The following PHYH variants were observed in gnomAD, a reference collection of about 807,000 sequenced individuals.
PHYH encodes phytanoyl-CoA 2-hydroxylase, also known as phytanoyl-CoA dioxygenase, peroxisomal.
In PHYH, 32 loss-of-function variants were observed where a neutral mutation model predicts 38.5. The observed-to-expected ratio is 0.83, with a 90% CI of 0.63 to 1.12. The LOEUF (loss-of-function observed/expected upper bound fraction) is 1.12. Among genes scored for constraint, PHYH ranks in the 50% most tolerant of loss-of-function variants. PHYH has a pLI of 0.00. For synonymous variants in PHYH, 166 were observed against 157.9 expected (o/e 1.05, Z -0.38); for missense variants, 426 against 434.8 (o/e 0.98, Z 0.18).
At chr10:13,294,348 G>C (rs573099963) in intron 4 of PHYH, 80 bp downstream of exon 4, 1 of 1,356,214 alleles carries the variant, frequency 7.4e-7, no homozygotes. Context: ...GAGCCACTGC[G>C]CCCGGCCAAA....
chr10:13,294,438 G>A lies in PHYH; in HGVS notation c.404C>T (p.Thr135Ile), dbSNP rs770170910. ...QEDKELFRYCTLPEILKYVEC... is the reference protein window; with the variant it reads ...QEDKELFRYCILPEILKYVEC... ...AGGGTGGTCTCTGACCTCGGGGAGA[G>A]TGCAGTATCTGAAGAGCTCCTTATC... is the stretch of plus-strand genomic sequence containing the variant. The change falls in exon 4 of 9, where the codon ACT (threonine) becomes ATT (isoleucine). Residue 135 changes from threonine to isoleucine, a missense_variant. Thr to Ile is a moderately conservative substitution (Grantham distance 89). Transcript: ENST00000263038. 6.2e-7 allele frequency: 1 copy of A among 1,613,962 alleles called. No individual in the cohort carries two copies. The highest frequency in any genetic ancestry group is 1.3e-5 in the African/African-American group (1 of 74,918).
Position 13,288,523 on chromosome 10 carries a change from T to G in PHYH, c.515A>C (p.His172Pro). The G allele has an allele frequency of 6.2e-7, 1 of 1,614,024 alleles. No homozygotes were observed. The highest frequency in any genetic ancestry group is 8.5e-7 in the Non-Finnish European group (1 of 1,180,016). ...ATAGTGCAGGTCCTGGTGCAGGGGG[T>G]GACGGGACGTCTTCTTGCCTGAAAA... ...PPDSGKKTSR[H>P]PLHQDLHYFP... Residue 172 changes from histidine (H) to proline (P), a missense_variant, in exon 6 of 9, where the codon CAC becomes CCC. Physicochemically the swap from His to Pro is moderately conservative, Grantham distance 77. Coordinates refer to ENST00000263038, the MANE Select transcript of PHYH (RefSeq NM_006214.4).
chr10:13,289,938 CAAA>C (rs151163708), intron 5 of PHYH, among the ~76,000 whole-genome samples: 3 of 85,976 alleles, frequency 3.5e-5, no homozygotes, highest in Non-Finnish European at 6.8e-5. Flanking sequence ...GACTCTGTCT[CAAA>C]AAAAAAAAAA....
At chr10:13,287,794 C>G (rs530271450) in intron 6 of PHYH, among the ~76,000 whole-genome samples, 1 of 152,152 alleles carries the variant, frequency 6.6e-6, no homozygotes, top group African/African-American at 2.4e-5. Flanking sequence ...CATCTGGGGT[C>G]GAAGGGTTTA....
chr10:13,284,820 T>C (rs1046315929), intron 6 of PHYH, among the ~76,000 whole-genome samples: 1 of 152,172 alleles, frequency 6.6e-6, no homozygotes, highest in Non-Finnish European at 1.5e-5. Flanking sequence ...AGCCCATTCC[T>C]CTTCCTAAGA....
chr10:13,294,191 G>C (rs1409292691), intron 4 of PHYH, among the ~76,000 whole-genome samples: 1 of 152,142 alleles, frequency 6.6e-6, no homozygotes, highest in African/African-American at 2.4e-5. Context: ...AACAGAGCGA[G>C]ACTCTGTCTC....
chr10:13,299,374 G>T, intron 1 of PHYH: 1 of 951,228 alleles, frequency 1.1e-6, no homozygotes, highest in Non-Finnish European at 1.3e-6. Context: ...GCCCCCAGAA[G>T]AGCCGAGACA....
chr10:13,281,748 T>G (rs1258936819), intron 7 of PHYH, among the ~76,000 whole-genome samples: 1 of 152,190 alleles, frequency 6.6e-6, no homozygotes, highest in African/African-American at 2.4e-5. Flanking sequence ...AAACTTACCT[T>G]TTTTGTCACA....
intron 1 of PHYH, among the ~76,000 whole-genome samples, chr10:13,298,616 G>A (rs1832640258): frequency 6.6e-6 from 1 of 151,934 alleles, no homozygotes; most frequent in Non-Finnish European, 1.5e-5. Context: ...CAGGAGAATT[G>A]CTTGAACCTG....
chr10:13,285,606 CTTTTTTT>C (rs36040564), intron 6 of PHYH, among the ~76,000 whole-genome samples: 1 of 127,540 alleles, frequency 7.8e-6, no homozygotes, highest in Non-Finnish European at 1.7e-5. Context: ...CTTTTCTTTT[CTTTTTTT>C]TTTTTTTTTG....
At chr10:13,293,221 C>T (rs1461284427) in intron 4 of PHYH, among the ~76,000 whole-genome samples, 1 of 152,134 alleles carries the variant, frequency 6.6e-6, no homozygotes, top group African/African-American at 2.4e-5. Context: ...GCCATCCTCA[C>T]AACTTCTGAC....
At chr10:13,280,474 C>G (rs752031694) in intron 8 of PHYH, among the ~76,000 whole-genome samples, 1 of 152,172 alleles carries the variant, frequency 6.6e-6, no homozygotes, top group Non-Finnish European at 1.5e-5. Context: ...GTAGCTGGGA[C>G]TACAGCTATG....
In PHYH at chr10:13,295,602, T is replaced by G. The variant is rs1234884054; in HGVS notation, c.139A>C (p.Thr47Pro). 8.7e-7 allele frequency: 1 copy of G among 1,152,216 alleles called. No individual in the cohort carries two copies. The highest frequency in any genetic ancestry group is 1.7e-5 in the Admixed American group (1 of 59,430). 71.4% of individuals were successfully genotyped at this position (1,152,216 alleles called of 1,614,324 possible). A position where few individuals can be genotyped will look rare whatever the true frequency, so the allele number is the denominator to read the frequency against. Residue 47 changes from threonine (T) to proline (P), a missense_variant, in exon 3 of 9, where the codon ACT (threonine) becomes CCT (proline). Physicochemically the swap from Thr to Pro is conservative, Grantham distance 38. Coordinates refer to ENST00000263038, the MANE Select transcript of PHYH (RefSeq NM_006214.4). ...ASFHPQQFQY[T>P]LDNNVLTLEQ... ...AGGGTTAGAACGTTATTATCCAGAG[T>G]ATACCTAAAGGAGAAAAAGAATCCC...
chr10:13,299,593 CT>C, intron 1 of PHYH: 1 of 1,038,366 alleles, frequency 9.6e-7, no homozygotes, highest in Non-Finnish European at 1.2e-6. Flanking sequence ...CCAGGCAGCC[CT>C]GCGCGCCTGT....
chr10:13,299,374 G>A (rs1216886067), intron 1 of PHYH: 3 of 951,110 alleles, frequency 3.2e-6, no homozygotes, highest in Non-Finnish European at 2.5e-6. Flanking sequence ...GCCCCCAGAA[G>A]AGCCGAGACA....
At chr10:13,294,031 T>G (rs2992490) in intron 4 of PHYH, among the ~76,000 whole-genome samples, 105,525 of 151,108 alleles carry the variant, frequency 0.7, 37,757 homozygotes, top group East Asian at 0.89. Context: ...GTGAAACCCT[T>G]TCTCTACTAA....
chr10:13,294,677 A>G, intron 3 of PHYH, 81 bp from the exon 4 acceptor site: 1 of 1,227,684 alleles, frequency 8.1e-7, no homozygotes, highest in Non-Finnish European at 1.2e-6. Flanking sequence ...AAAGGGTTGC[A>G]GACTTGAGGG....
chr10:13,295,309 CAG>C, intron 3 of PHYH, 185 bp downstream of exon 3: 2 of 577,944 alleles, frequency 3.5e-6, no homozygotes, highest in South Asian at 2.0e-5. Flanking sequence ...GCCTACACAA[CAG>C]AGTGAGAACC....
At chr10:13,296,833 T>C (rs1021127522) in intron 2 of PHYH, among the ~76,000 whole-genome samples, 3 of 150,804 alleles carry the variant, frequency 2.0e-5, no homozygotes, top group African/African-American at 7.3e-5. Context: ...CTGGCGCCTG[T>C]AGTCCAGCTA....
Sources: allele counts gnomAD v4.1 joint callset (sites outside exome capture counted in the v4.1 genomes callset), GRCh38; gene constraint gnomAD v4.1.1; transcripts MANE v1.5; gene names NCBI Gene and HGNC (gene_info 2026-07-23, HGNC 2026-07-21).